The following GALNTL6 variants were observed in gnomAD, a reference collection of about 807,000 sequenced individuals.
GALNTL6 encodes the protein polypeptide N-acetylgalactosaminyltransferase-like 6.
GALNTL6 carries 46 observed loss-of-function variants against 73.7 expected under a neutral mutation model. That is an observed-to-expected ratio of 0.62 (90% confidence interval 0.49 to 0.80). The LOEUF (loss-of-function observed/expected upper bound fraction) is 0.80. Among genes scored for constraint, GALNTL6 ranks in the 30% least tolerant of loss-of-function variants. The probability of loss-of-function intolerance (pLI) is 0.00; values close to 1 mark genes in which losing one functional copy is unlikely to be tolerated. For missense variants in GALNTL6, 604 were observed against 755.0 expected (o/e 0.80, Z 2.34); for synonymous variants, 259 against 263.7 (o/e 0.98, Z 0.17).
intron 2 of GALNTL6, among the ~76,000 whole-genome samples, chr4:171,968,460 C>G (rs1739454785): frequency 1.3e-5 from 2 of 152,168 alleles, no homozygotes; most frequent in African/African-American, 2.4e-5. Flanking sequence ...TGCTTCTTCT[C>G]TATGTTTGTG....
At position 172,852,004 on chromosome 4, in the gene GALNTL6, G is replaced by A. The variant is rs146401455; in HGVS notation, c.924-30786G>A. Among the ~76,000 whole-genome samples, 668 of 152,242 alleles carry A rather than the reference G, an allele frequency of 4.4e-3. 5 individuals carry two copies. The highest frequency in any genetic ancestry group is 0.015 in the African/African-American group (628 of 41,548). On this transcript the variant is annotated intron_variant, in intron 7 of 12. Transcript: ENST00000506823. ...GCAAAATCTCAACCCCAGCCAATCTGAGCCATCTTCAGGTTCAGGGAATAC... is the reference window on the plus strand; with the variant it reads ...GCAAAATCTCAACCCCAGCCAATCTAAGCCATCTTCAGGTTCAGGGAATAC...
intron 8 of GALNTL6, among the ~76,000 whole-genome samples, chr4:172,915,695 C>G (rs781344260): frequency 6.6e-6 from 1 of 152,074 alleles, no homozygotes; most frequent in Non-Finnish European, 1.5e-5. Context: ...AAGTCTAAAC[C>G]AGGAAGAAGT....
chr4:171,904,182 G>A (rs1267777594), intron 2 of GALNTL6, among the ~76,000 whole-genome samples: 2 of 152,146 alleles, frequency 1.3e-5, no homozygotes, highest in Non-Finnish European at 1.5e-5. Flanking sequence ...GGCTTCAGAC[G>A]ATCAAATTAC....
intron 2 of GALNTL6, among the ~76,000 whole-genome samples, chr4:171,882,080 C>T (rs980146087): frequency 6.6e-6 from 1 of 152,128 alleles, no homozygotes; most frequent in Admixed American, 6.5e-5. Context: ...TCTTTTCCTT[C>T]TTCTTCCTTT....
At chr4:173,032,041 A>G (rs550613126) in intron 12 of GALNTL6, among the ~76,000 whole-genome samples, 2 of 152,360 alleles carry the variant, frequency 1.3e-5, no homozygotes, top group Admixed American at 1.3e-4. Flanking sequence ...CAAGGCCCTG[A>G]GATAAGCAAG....
intron 2 of GALNTL6, among the ~76,000 whole-genome samples, chr4:172,115,630 A>G (rs1732965675): frequency 6.6e-6 from 1 of 152,162 alleles, no homozygotes; most frequent in Non-Finnish European, 1.5e-5. Context: ...TAGACTTTCA[A>G]TTGTTAGAAC....
chr4:172,071,096 G>T lies in GALNTL6; in HGVS notation c.139-158560G>T, dbSNP rs542562202. Among the ~76,000 whole-genome samples, 37 of 109,178 alleles carry T rather than the reference G, an allele frequency of 3.4e-4. 4 individuals carry two copies. The East Asian group carries it at 6.6e-3, about 19-fold the overall frequency. The allele number at this position is 109,178 out of a possible 152,430, so 71.6% of individuals were successfully genotyped here. ...TGTAGCGAGGTGAAGACTGACTAAT[G>T]AAGGTGAAAATTGTACTATAGTAAA... On this transcript the variant is annotated intron_variant, in intron 2 of 12. Transcript: ENST00000506823.
At chr4:171,961,242 A>G (rs1170510842) in intron 2 of GALNTL6, among the ~76,000 whole-genome samples, 3 of 152,188 alleles carry the variant, frequency 2.0e-5, no homozygotes, top group Admixed American at 1.3e-4. Context: ...AGCCAACAAA[A>G]GCCCCTTGGG....
intron 5 of GALNTL6, among the ~76,000 whole-genome samples, chr4:172,658,492 G>T (rs1158638594): frequency 7.1e-6 from 1 of 141,650 alleles, no homozygotes; most frequent in East Asian, 2.1e-4. Flanking sequence ...GAAAGAAAAA[G>T]AAAAAAAAAA....
intron 2 of GALNTL6, among the ~76,000 whole-genome samples, chr4:171,847,314 A>AGG (rs1735400325): frequency 6.6e-6 from 1 of 152,210 alleles, no homozygotes; most frequent in Non-Finnish European, 1.5e-5. Flanking sequence ...CTGAAAACAC[A>AGG]ATATACACAC....
intron 2 of GALNTL6, among the ~76,000 whole-genome samples, chr4:171,861,451 T>G (rs965979746): frequency 6.6e-6 from 1 of 152,232 alleles, no homozygotes. Context: ...TTTCCTGACC[T>G]GTCTCCTCTA....
At chr4:172,243,619 A>C (rs945576833) in intron 3 of GALNTL6, among the ~76,000 whole-genome samples, 3 of 152,132 alleles carry the variant, frequency 2.0e-5, no homozygotes, top group African/African-American at 7.2e-5. Context: ...TCATGATTAA[A>C]GTCACTAAGC....
chr4:171,954,289 G>C (rs1738979634), intron 2 of GALNTL6, among the ~76,000 whole-genome samples: 1 of 152,112 alleles, frequency 6.6e-6, no homozygotes, highest in Non-Finnish European at 1.5e-5. Flanking sequence ...CTTGCACTAT[G>C]TAATAGAAAA....
At chr4:172,127,256 C>T (rs760115115) in intron 2 of GALNTL6, among the ~76,000 whole-genome samples, 2 of 152,218 alleles carry the variant, frequency 1.3e-5, no homozygotes, top group Non-Finnish European at 2.9e-5. Context: ...CCTGGCTCTA[C>T]CCCTCAGTAC....
intron 2 of GALNTL6, among the ~76,000 whole-genome samples, chr4:172,208,092 A>G (rs985480325): frequency 4.8e-4 from 73 of 152,290 alleles, no homozygotes; most frequent in African/African-American, 1.7e-3. Flanking sequence ...TGGAATCCTT[A>G]TTGATGTCAT....
At chr4:172,987,390 A>C (rs1751334894) in intron 10 of GALNTL6, among the ~76,000 whole-genome samples, 1 of 152,142 alleles carries the variant, frequency 6.6e-6, no homozygotes. Context: ...TATCATGAGA[A>C]GACTGTGAGG....
At chr4:172,170,300 A>G (rs1280740751) in intron 2 of GALNTL6, among the ~76,000 whole-genome samples, 1 of 152,128 alleles carries the variant, frequency 6.6e-6, no homozygotes, top group African/African-American at 2.4e-5. Context: ...TGAGTGAGTT[A>G]TCATGAGATC....
chr4:172,796,466 T>C (rs948343577), intron 5 of GALNTL6, among the ~76,000 whole-genome samples: 2 of 152,232 alleles, frequency 1.3e-5, no homozygotes, highest in African/African-American at 2.4e-5. Context: ...GACAATATCA[T>C]AAGCACTCAG....
Position 172,093,154 on chromosome 4 carries a change from G to A in GALNTL6, c.139-136502G>A, listed in dbSNP as rs139949913. On this transcript the variant is annotated intron_variant, in intron 2 of 12. Coordinates refer to ENST00000506823, the MANE Select transcript of GALNTL6 (RefSeq NM_001034845.3). ...CCCAAAGTGCTGGAATTACAGGCGTGAGCCACTGCTCCCGGCCATAAAGTT... is the reference window on the plus strand; with the variant it reads ...CCCAAAGTGCTGGAATTACAGGCGTAAGCCACTGCTCCCGGCCATAAAGTT... Among the ~76,000 whole-genome samples, 1,417 of 152,084 alleles carry A rather than the reference G, an allele frequency of 9.3e-3. 22 individuals are homozygous for A. The highest frequency in any genetic ancestry group is 0.032 in the African/African-American group (1,336 of 41,520).
Sources: allele counts gnomAD v4.1 joint callset (sites outside exome capture counted in the v4.1 genomes callset), GRCh38; gene constraint gnomAD v4.1.1; transcripts MANE v1.5; gene names NCBI Gene and HGNC (gene_info 2026-07-23, HGNC 2026-07-21).